BCL2L13: variants seen among roughly 807,000 people sequenced by gnomAD.
BCL2L13 encodes BCL2 like 13.
BCL2L13 carries 13 observed loss-of-function variants against 25.8 expected under a neutral mutation model. The observed-to-expected ratio is 0.50, with a 90% CI of 0.33 to 0.80. The LOEUF is 0.80. Ranked by LOEUF, BCL2L13 falls within the 30% of genes least tolerant of loss-of-function variation. The probability of loss-of-function intolerance (pLI) is 0.02; values close to 1 mark genes in which losing one functional copy is unlikely to be tolerated. For synonymous variants in BCL2L13, 244 were observed against 230.3 expected, an observed-to-expected ratio of 1.06 and a Z score of -0.54; for missense variants, 504 against 574.9, an observed-to-expected ratio of 0.88 and a Z score of 1.26.
chr22:17,719,924 C>A (rs2061064224), intron 6 of BCL2L13, among the ~76,000 whole-genome samples: 1 of 151,260 alleles, frequency 6.6e-6, no homozygotes, highest in Admixed American at 6.6e-5. Context: ...CAGCCAGATA[C>A]AGAAGGCTAT....
intron 3 of BCL2L13, among the ~76,000 whole-genome samples, chr22:17,683,981 C>G (rs544676710): frequency 1.3e-5 from 2 of 151,764 alleles, no homozygotes; most frequent in East Asian, 1.9e-4. Context: ...GGCCTGTTCC[C>G]TTGTTATTGA....
rs2587098 is a variant in BCL2L13 at position 17,654,037 on chromosome 22, A to T, written c.-50-1625A>T. ...TCTTCATGTCTAATGCCTATAGAGT[A>T]CCTTGCAGCTTAATAAATGTGTGTT... On this transcript the variant is annotated intron_variant, in intron 1 of 6. Coordinates refer to ENST00000317582, the MANE Select transcript of BCL2L13 (RefSeq NM_015367.4). Among the ~76,000 whole-genome samples, 599 of 152,078 alleles carry T rather than the reference A, an allele frequency of 3.9e-3. 4 individuals are homozygous for T. The highest frequency in any genetic ancestry group is 0.014 in the African/African-American group (580 of 41,488).
chr22:17,679,109 C>T (rs1308004065), intron 2 of BCL2L13, among the ~76,000 whole-genome samples: 1 of 152,048 alleles, frequency 6.6e-6, no homozygotes, highest in African/African-American at 2.4e-5. Context: ...AATTTAAGTT[C>T]CAGAAATGAG....
At chr22:17,667,789 G>A (rs746797208) in intron 2 of BCL2L13, among the ~76,000 whole-genome samples, 33 of 152,182 alleles carry the variant, frequency 2.2e-4, no homozygotes, top group Non-Finnish European at 3.5e-4. Context: ...GATTACAGGC[G>A]TGAGCCACCG....
rs1488200816 is a variant in BCL2L13 at position 17,729,126 on chromosome 22, C to T, written c.*1592C>T. ...ATTTATAATAAAAATACTTTACCTA[C>T]CCTGATCACCAAAACCTGATGTTTT... On this transcript the variant is annotated 3_prime_UTR_variant, in exon 7 of 7. Transcript: ENST00000317582. The T allele has an allele frequency of 6.6e-6, 1 of 152,178 alleles. No individual in the cohort carries two copies. Among genetic ancestry groups the T allele is most frequent in the Non-Finnish European group, 1.5e-5 (1 of 68,032 alleles). 9.4% of individuals were successfully genotyped at this position (152,178 alleles called of 1,614,324 possible).
intron 1 of BCL2L13, among the ~76,000 whole-genome samples, chr22:17,653,607 TC>T (rs888821246): frequency 6.6e-6 from 1 of 150,984 alleles, no homozygotes; most frequent in African/African-American, 2.4e-5. Flanking sequence ...GCTCAAGTGA[TC>T]CTCCTGCCTT....
At chr22:17,702,018 CAT>C (rs1299395968) in intron 5 of BCL2L13, among the ~76,000 whole-genome samples, 5 of 151,958 alleles carry the variant, frequency 3.3e-5, no homozygotes, top group Admixed American at 1.3e-4. Context: ...CATGCACACA[CAT>C]GCCTAATTAT....
rs112719046 is a variant in BCL2L13 at position 17,690,339 on chromosome 22, T to A, written c.386+1197T>A. Reference sequence around the variant, plus strand: ...AGACTCCATCTGAAAGAAAAAAATTTTTTTTTTATTTTCCTGTAAGCAAAG... The same window carrying A: ...AGACTCCATCTGAAAGAAAAAAATTATTTTTTTATTTTCCTGTAAGCAAAG... On this transcript the variant is annotated intron_variant, in intron 4 of 6. Coordinates refer to ENST00000317582, the MANE Select transcript of BCL2L13 (RefSeq NM_015367.4). Among the ~76,000 whole-genome samples, 15 of 150,566 alleles carry A rather than the reference T, an allele frequency of 1.0e-4. No homozygotes were observed. The East Asian group carries it at 1.6e-3, about 16-fold the overall frequency.
chr22:17,631,741 G>T, intron 1 of BCL2L13, among the ~76,000 whole-genome samples: 1 of 50,592 alleles, frequency 2.0e-5, no homozygotes, highest in Non-Finnish European at 3.6e-5. Flanking sequence ...TTTTTTTTGA[G>T]ATGGAGTTTC....
Position 17,727,502 on chromosome 22 carries a change from A to G in BCL2L13, c.1426A>G (p.Ile476Val), listed in dbSNP as rs374104881. Residue 476 changes from isoleucine (I) to valine (V), a missense_variant, in exon 7 of 7, where the codon ATC becomes GTC. Physicochemically the swap from Ile to Val is conservative, Grantham distance 29. Transcript: ENST00000317582. ...AAAVAILAVAIGVALALRKK is the reference protein window; with the variant it reads ...AAAVAILAVAVGVALALRKK Reference sequence around the variant, plus strand: ...TGCTGTTGCCATCCTGGCAGTGGCCATCGGGGTAGCCCTGGCTCTGAGAAA... The same window carrying G: ...TGCTGTTGCCATCCTGGCAGTGGCCGTCGGGGTAGCCCTGGCTCTGAGAAA... 26 of 1,614,122 alleles carry G rather than the reference A, an allele frequency of 1.6e-5. No homozygotes were observed. Among genetic ancestry groups the G allele is most frequent in the East Asian group, 2.2e-5 (1 of 44,888 alleles).
chr22:17,683,534 A>G (rs1211751689), intron 3 of BCL2L13, among the ~76,000 whole-genome samples: 1 of 152,222 alleles, frequency 6.6e-6, no homozygotes, highest in Non-Finnish European at 1.5e-5. Flanking sequence ...TATACCTAAC[A>G]GGTTAGATGT....
intron 2 of BCL2L13, among the ~76,000 whole-genome samples, chr22:17,669,956 A>G (rs1413398619): frequency 6.6e-6 from 1 of 152,190 alleles, no homozygotes; most frequent in Non-Finnish European, 1.5e-5. Context: ...TTTCATAAAC[A>G]AAAGAAAATG....
chr22:17,693,375 T>TTTG (rs1568981873), intron 4 of BCL2L13, among the ~76,000 whole-genome samples: 44 of 30,412 alleles, frequency 1.4e-3, no homozygotes, highest in African/African-American at 3.3e-3. Context: ...AGTGTTTGTT[T>TTTG]TTTTTTTTTT....
intron 2 of BCL2L13, among the ~76,000 whole-genome samples, chr22:17,661,574 T>A (rs1156980139): frequency 6.8e-6 from 1 of 146,100 alleles, no homozygotes; most frequent in South Asian, 2.1e-4. Flanking sequence ...TTTTAATGCT[T>A]TTTGAGAGCT....
chr22:17,651,093 C>T (rs1450385312), intron 1 of BCL2L13, among the ~76,000 whole-genome samples: 1 of 150,742 alleles, frequency 6.6e-6, no homozygotes, highest in Admixed American at 6.6e-5. Flanking sequence ...TCCCAAGTCC[C>T]GGTTCAAGCA....
At chr22:17,704,966 T>G (rs1290256878) in intron 6 of BCL2L13, among the ~76,000 whole-genome samples, 2 of 149,398 alleles carry the variant, frequency 1.3e-5, no homozygotes, top group Non-Finnish European at 3.0e-5. Flanking sequence ...AAATACCCAG[T>G]GCTCAGTTTT....
chr22:17,686,063 T>G (rs1325224647), intron 3 of BCL2L13, among the ~76,000 whole-genome samples: 1 of 152,018 alleles, frequency 6.6e-6, no homozygotes, highest in Non-Finnish European at 1.5e-5. Flanking sequence ...TGAGCCACCG[T>G]ACCCAGCCTG....
intron 1 of BCL2L13, among the ~76,000 whole-genome samples, chr22:17,649,700 A>G (rs897311993): frequency 3.3e-5 from 5 of 150,636 alleles, no homozygotes; most frequent in African/African-American, 4.9e-5. Context: ...ACCGGGTTTC[A>G]CCATGTTGGC....
chr22:17,634,837 A>T (rs554242095), upstream of BCL2L13, among the ~76,000 whole-genome samples: 1 of 152,152 alleles, frequency 6.6e-6, no homozygotes, highest in South Asian at 2.1e-4. Flanking sequence ...AGTCCTTGCT[A>T]CTTGGGAGGA....
Sources: allele counts gnomAD v4.1 joint callset (sites outside exome capture counted in the v4.1 genomes callset), GRCh38; gene constraint gnomAD v4.1.1; transcripts MANE v1.5; gene names NCBI Gene and HGNC (gene_info 2026-07-23, HGNC 2026-07-21).